MAGI2: variants seen among roughly 807,000 people sequenced by gnomAD.
MAGI2 encodes membrane-associated guanylate kinase, WW and PDZ domain-containing protein 2.
Under a neutral mutation model 133.3 loss-of-function variants are expected in MAGI2, and 35 were observed. That is an observed-to-expected ratio of 0.26 (90% CI 0.20 to 0.35). MAGI2 has a LOEUF of 0.35. Among genes scored for constraint, MAGI2 ranks in the 10% least tolerant of loss-of-function variants. The probability of loss-of-function intolerance (pLI) is 1.00; values close to 1 mark genes in which losing one functional copy is unlikely to be tolerated. For synonymous variants in MAGI2, 729 were observed against 710.6 expected (o/e 1.03, Z -0.41); for missense variants, 1,636 against 1,863.4 (o/e 0.88, Z 2.25).
At chr7:78,772,015 C>T (rs1825632760) in intron 2 of MAGI2, among the ~76,000 whole-genome samples, 1 of 152,150 alleles carries the variant, frequency 6.6e-6, no homozygotes, top group Non-Finnish European at 1.5e-5. Flanking sequence ...TGTCCAGATG[C>T]TAAGACCACA....
chr7:79,094,409 T>C (rs185916975), intron 1 of MAGI2, among the ~76,000 whole-genome samples: 274 of 152,364 alleles, frequency 1.8e-3, no homozygotes, highest in Non-Finnish European at 3.2e-3. Context: ...ACTGAAGTCT[T>C]AAACCATTCA....
At chr7:78,840,371 T>C (rs868525507) in intron 2 of MAGI2, among the ~76,000 whole-genome samples, 5 of 152,058 alleles carry the variant, frequency 3.3e-5, no homozygotes, top group Non-Finnish European at 4.4e-5. Context: ...TATGTTTTAG[T>C]GCATATCAGA....
intron 4 of MAGI2, among the ~76,000 whole-genome samples, chr7:78,503,223 A>G (rs1794774002): frequency 6.6e-6 from 1 of 152,184 alleles, no homozygotes; most frequent in African/African-American, 2.4e-5. Context: ...ACTTTTGAAC[A>G]TGCAAAAGTT....
rs571067040 is a variant in MAGI2, at chr7:78,872,441, G to T, written c.418+134649C>A. Among the ~76,000 whole-genome samples, 5 of 152,142 alleles carry T rather than the reference G, an allele frequency of 3.3e-5. No individual in the cohort carries two copies. The South Asian group carries it at 1.0e-3, about 32-fold the overall frequency. On this transcript the variant is annotated intron_variant, in intron 2 of 21. Transcript: ENST00000354212. ...AGAAATTGTGAAAGATACTAGAATT[G>T]CATTTGCTCAATTCAACATACATTC... is the stretch of plus-strand genomic sequence containing the variant.
chr7:78,157,324 T>C (rs775762156), intron 16 of MAGI2, among the ~76,000 whole-genome samples: 3 of 152,212 alleles, frequency 2.0e-5, no homozygotes, highest in Non-Finnish European at 4.4e-5. Context: ...CAGGGTGAAG[T>C]AAAATAATAT....
intron 1 of MAGI2, among the ~76,000 whole-genome samples, chr7:79,168,561 A>C (rs1201956954): frequency 6.6e-6 from 1 of 151,972 alleles, no homozygotes; most frequent in East Asian, 1.9e-4. Context: ...TTTTGTTGTT[A>C]TGTTCTTTAA....
At chr7:78,209,969 C>A in intron 10 of MAGI2, among the ~76,000 whole-genome samples, 1 of 152,128 alleles carries the variant, frequency 6.6e-6, no homozygotes, top group East Asian at 1.9e-4. Flanking sequence ...CTATCTCTGA[C>A]CCTTTTTTAT....
intron 1 of MAGI2, among the ~76,000 whole-genome samples, chr7:79,393,667 T>C (rs1844830969): frequency 6.6e-6 from 1 of 152,200 alleles, no homozygotes; most frequent in Admixed American, 6.5e-5. Flanking sequence ...TTATTGGAAA[T>C]CCCACAGGTA....
At chr7:78,826,229 C>T (rs1323186839) in intron 2 of MAGI2, among the ~76,000 whole-genome samples, 1 of 151,666 alleles carries the variant, frequency 6.6e-6, no homozygotes, top group African/African-American at 2.4e-5. Flanking sequence ...TGGCAGGCGC[C>T]TGTAGTCCCA....
intron 9 of MAGI2, among the ~76,000 whole-genome samples, chr7:78,301,726 A>C (rs1797844920): frequency 6.6e-6 from 1 of 152,178 alleles, no homozygotes; most frequent in South Asian, 2.1e-4. Flanking sequence ...TTTGCATCCA[A>C]TACCAATCTC....
intron 2 of MAGI2, among the ~76,000 whole-genome samples, chr7:78,792,171 CTT>C: frequency 6.6e-6 from 1 of 152,196 alleles, no homozygotes; most frequent in Non-Finnish European, 1.5e-5. Flanking sequence ...CAAACGCAGA[CTT>C]TATCCCTGCT....
intron 2 of MAGI2, among the ~76,000 whole-genome samples, chr7:78,672,372 G>C (rs1168655815): frequency 6.6e-6 from 1 of 152,106 alleles, no homozygotes; most frequent in East Asian, 1.9e-4. Flanking sequence ...AGAAGCAAAT[G>C]CTGGCATCAT....
intron 2 of MAGI2, among the ~76,000 whole-genome samples, chr7:78,743,601 TTTTC>T (rs1791925833): frequency 6.6e-6 from 1 of 152,198 alleles, no homozygotes; most frequent in African/African-American, 2.4e-5. Context: ...CAGGTATTAT[TTTTC>T]TTTGTGTCTT....
intron 2 of MAGI2, among the ~76,000 whole-genome samples, chr7:78,689,771 T>C (rs1816768104): frequency 6.6e-6 from 1 of 150,878 alleles, no homozygotes; most frequent in Admixed American, 6.7e-5. Context: ...CATTCCCTTT[T>C]ATTAAGTAGT....
chr7:79,402,871 A>G (rs543029931), intron 1 of MAGI2, among the ~76,000 whole-genome samples: 2 of 152,302 alleles, frequency 1.3e-5, no homozygotes, highest in African/African-American at 4.8e-5. Context: ...AATATTATAG[A>G]GTGAATAAAA....
chr7:78,716,798 C>A (rs566382158), intron 2 of MAGI2, among the ~76,000 whole-genome samples: 2 of 152,220 alleles, frequency 1.3e-5, no homozygotes, highest in South Asian at 4.1e-4. Flanking sequence ...ATGTAAGACC[C>A]ACTGGAAGTT....
intron 6 of MAGI2, among the ~76,000 whole-genome samples, chr7:78,469,584 C>A (rs994317997): frequency 6.6e-6 from 1 of 152,168 alleles, no homozygotes; most frequent in African/African-American, 2.4e-5. Flanking sequence ...ATGCCACATG[C>A]AAATTTGAAG....
chr7:78,590,798 A>G (rs898394104), intron 3 of MAGI2, among the ~76,000 whole-genome samples: 1 of 152,204 alleles, frequency 6.6e-6, no homozygotes, highest in Admixed American at 6.5e-5. Flanking sequence ...GGTTAACCAT[A>G]TAAAATAAAG....
chr7:78,054,703 A>C (rs1287805604), intron 21 of MAGI2, among the ~76,000 whole-genome samples: 1 of 150,436 alleles, frequency 6.6e-6, no homozygotes, highest in Non-Finnish European at 1.5e-5. Context: ...TCTGTCACCC[A>C]GGCTGGAGTG....
Sources: gnomAD v4.1 joint callset for allele counts (sites outside exome capture counted in the v4.1 genomes callset) on GRCh38, gnomAD v4.1.1 for gene constraint, MANE v1.5 for transcripts, NCBI Gene and HGNC (gene_info 2026-07-23, HGNC 2026-07-21) for gene names.